Variants in HOXA3 observed in about 807,000 individuals in gnomAD.
HOXA3 encodes the protein homeobox protein Hox-A3.
Under a neutral mutation model 30.3 loss-of-function variants are expected in HOXA3, and 8 were observed. The ratio of observed to expected loss-of-function variants is 0.26; its 90% CI spans 0.15 to 0.48. The LOEUF (loss-of-function observed/expected upper bound fraction) is 0.48. Among genes scored for constraint, HOXA3 ranks in the 20% least tolerant of loss-of-function variants. The pLI is 0.99. For synonymous variants in HOXA3, 323 were observed against 273.1 expected, an observed-to-expected ratio of 1.18 and a Z score of -1.80; for missense variants, 653 against 614.4, an observed-to-expected ratio of 1.06 and a Z score of -0.66.
Position 27,129,544 on chromosome 7 carries a change from G to C in HOXA3, c.-389-2474C>G. ...GGTGTAGGCGGTTCGAGAGCGCTTA[G>C]GCTCCCCTCCGTTATAACTGGGGTT... On this transcript the variant is annotated intron_variant, in intron 2 of 5. Transcript: ENST00000612286. 1 of 1,613,914 alleles carries C rather than the reference G, an allele frequency of 6.2e-7. No individual in the cohort carries two copies.
At chr7:27,129,489 C>T in intron 2 of HOXA3, 1 of 1,614,180 alleles carries the variant, frequency 6.2e-7, no homozygotes, top group South Asian at 1.1e-5. Flanking sequence ...TGAAGTGGAA[C>T]TCCTTCTCCA....
chr7:27,118,934 G>A lies in HOXA3; in HGVS notation c.-121+3625C>T, dbSNP rs544108510. ...CAAAAGGTTAAAGCATCTCCTCCAA[G>A]TCCAGTTGGTTTTGTTCAGTGGGAG... On this transcript the variant is annotated intron_variant, in intron 4 of 5. Coordinates refer to ENST00000612286, the MANE Select transcript of HOXA3 (RefSeq NM_153631.3). 7.2e-5 allele frequency among the ~76,000 whole-genome samples: 11 copies of A among 152,320 alleles called. No homozygotes were observed. In the South Asian group the frequency reaches 2.3e-3, roughly 32 times the overall value.
intron 1 of HOXA3, chr7:27,145,664 G>T (rs1583410739): frequency 1.9e-6 from 3 of 1,613,072 alleles, no homozygotes; most frequent in Non-Finnish European, 2.5e-6. Flanking sequence ...GCATCTACTC[G>T]CCCGCCTTTG....
intron 2 of HOXA3, chr7:27,129,073 T>C: frequency 1.4e-6 from 1 of 704,274 alleles, no homozygotes; most frequent in African/African-American, 1.8e-5. Context: ...CTTAACCGGA[T>C]AATGTCTTCT....
chr7:27,112,518 T>C (rs549069076), intron 4 of HOXA3, among the ~76,000 whole-genome samples: 34 of 152,360 alleles, frequency 2.2e-4, no homozygotes, highest in African/African-American at 7.9e-4. Flanking sequence ...TTGTCAGTGA[T>C]CATGAGCCCT....
At chr7:27,109,488 C>G (rs1784236918) in intron 5 of HOXA3, among the ~76,000 whole-genome samples, 1 of 152,218 alleles carries the variant, frequency 6.6e-6, no homozygotes, top group Non-Finnish European at 1.5e-5. Context: ...GCTAGGAAGC[C>G]TAAAGCCTGG....
intron 1 of HOXA3, among the ~76,000 whole-genome samples, chr7:27,142,479 C>A (rs1334140401): frequency 6.6e-6 from 1 of 152,226 alleles, no homozygotes; most frequent in Non-Finnish European, 1.5e-5. Flanking sequence ...CCTCAAAGTT[C>A]CAGCCCCGAG....
chr7:27,148,991 G>C (rs887245653), intron 1 of HOXA3, among the ~76,000 whole-genome samples: 2 of 152,256 alleles, frequency 1.3e-5, no homozygotes, highest in African/African-American at 4.8e-5. Context: ...TGGGACCGCA[G>C]GGAGGGCTGC....
chr7:27,139,307 C>T (rs1337345619), intron 2 of HOXA3, among the ~76,000 whole-genome samples: 2 of 152,168 alleles, frequency 1.3e-5, no homozygotes, highest in East Asian at 1.9e-4. Flanking sequence ...GGCCTGGTCC[C>T]GGGTGCGGGG....
intron 2 of HOXA3, among the ~76,000 whole-genome samples, chr7:27,139,351 G>T (rs567959243): frequency 1.3e-5 from 2 of 152,116 alleles, no homozygotes; most frequent in African/African-American, 2.4e-5. Context: ...ACACCAGGGT[G>T]GGGATCCTTG....
chr7:27,126,230 C>T (rs904361442), intron 3 of HOXA3, among the ~76,000 whole-genome samples: 2 of 152,156 alleles, frequency 1.3e-5, no homozygotes, highest in South Asian at 2.1e-4. Context: ...GTCTCCTATC[C>T]GATTTAGGTC....
rs1011381505 is a variant in HOXA3 at position 27,141,527 on chromosome 7, T to TG, written c.-493-1342_-493-1341insC. On this transcript the variant is annotated intron_variant, in intron 1 of 5. Coordinates refer to ENST00000612286, the MANE Select transcript of HOXA3 (RefSeq NM_153631.3). ...AGATTGAAGGGGGACTTTTTGTGTG[T>TG]TTTTTTTTCTCTTTTCTTTTTTTGT... 33 of 119,402 alleles carry TG rather than the reference T, an allele frequency of 2.8e-4. 2 individuals are homozygous for TG. The highest frequency in any genetic ancestry group is 1.8e-3 in the South Asian group (17 of 9,516). The allele number at this position is 119,402 out of a possible 1,614,324, so 7.4% of individuals were successfully genotyped here.
In HOXA3 at chr7:27,108,428, G is replaced by T; in HGVS notation, c.819C>A (p.Ala273=). 6.2e-7 allele frequency: 1 copy of T among 1,613,552 alleles called. No individual in the cohort carries two copies. The highest frequency in any genetic ancestry group is 8.5e-7 in the Non-Finnish European group (1 of 1,179,740). The part of the protein sequence containing the change: ...SPSRSPVPPG[A]GGYLNSMHSL... ...AATGCATAGAGTTCAGATAGCCACC[G>T]GCTCCGGGGGGCACGGGGCTGCGAC... Residue 273 remains alanine (A), a synonymous_variant, in exon 6 of 6, where the codon GCC becomes GCA. Coordinates refer to ENST00000612286, the MANE Select transcript of HOXA3 (RefSeq NM_153631.3). The surrounding 1 kb of genome is among the most constrained non-coding windows in gnomAD (Gnocchi z 5.0).
intron 1 of HOXA3, 26 bp downstream of exon 1, chr7:27,152,262 T>G (rs373964264): frequency 1.6e-6 from 2 of 1,271,350 alleles, no homozygotes; most frequent in Non-Finnish European, 2.0e-6. Context: ...CCACCTTTGC[T>G]CCTATCTCCT....
At position 27,108,340 on chromosome 7, in the gene HOXA3, C is replaced by A; in HGVS notation, c.907G>T (p.Gly303Cys). Residue 303 changes from glycine to cysteine, a missense_variant, in exon 6 of 6, where the codon GGT (glycine) becomes TGT (cysteine). Gly to Cys is a radical substitution (Grantham distance 159). Coordinates refer to ENST00000612286, the MANE Select transcript of HOXA3 (RefSeq NM_153631.3). This position sits in a 1 kb window ranked among gnomAD's most constrained non-coding sequence, Gnocchi z 5.0. ...GAGGCGGGGGGCAGCCCGTAGGTAC[C>A]CTGGGGGGGCTTGGAGAAGGGCGGG... ...SPPPFSKPPQGTYGLPPASYP... is the reference protein window; with the variant it reads ...SPPPFSKPPQCTYGLPPASYP... 6.6e-7 allele frequency: 1 copy of A among 1,515,392 alleles called. No homozygotes were observed. Among genetic ancestry groups the A allele is most frequent in the Middle Eastern group, 1.8e-4 (1 of 5,688 alleles). The allele number at this position is 1,515,392 out of a possible 1,614,324, so 93.9% of individuals were successfully genotyped here.
chr7:27,142,901 CAG>C (rs924324053), intron 1 of HOXA3: 4 of 721,358 alleles, frequency 5.5e-6, no homozygotes, highest in Non-Finnish European at 9.0e-6. Context: ...AGGAGGAAGG[CAG>C]GGGAGGGAGA....
At chr7:27,143,847 G>A (rs542073963) in intron 1 of HOXA3, among the ~76,000 whole-genome samples, 42 of 152,174 alleles carry the variant, frequency 2.8e-4, no homozygotes, top group Non-Finnish European at 5.7e-4. Context: ...GGGTGGAGGC[G>A]AGGGGGGTGG....
intron 1 of HOXA3, chr7:27,147,174 GA>G (rs1782797126): frequency 1.6e-5 from 15 of 930,710 alleles, no homozygotes; most frequent in Admixed American, 2.8e-5. Context: ...TCTCTTTTAA[GA>G]AGCCAAAGAA....
intron 2 of HOXA3, among the ~76,000 whole-genome samples, chr7:27,136,782 G>A (rs928644028): frequency 2.0e-5 from 3 of 152,218 alleles, no homozygotes; most frequent in Admixed American, 6.5e-5. Flanking sequence ...GACCTGGTGG[G>A]AGAACAAATT....
Sources: gnomAD v4.1 joint callset for allele counts (sites outside exome capture counted in the v4.1 genomes callset) on GRCh38, gnomAD v4.1.1 for gene constraint, Gnocchi (gnomAD v3.1) non-coding constraint, MANE v1.5 for transcripts, NCBI Gene and HGNC (gene_info 2026-07-23, HGNC 2026-07-21) for gene names.